The following BACH1 variants were observed in gnomAD, a reference collection of about 807,000 sequenced individuals.
BACH1 encodes transcription regulator protein BACH1.
BACH1 carries 35 observed loss-of-function variants against 52.9 expected under a neutral mutation model. The ratio of observed to expected loss-of-function variants is 0.66; its 90% CI spans 0.51 to 0.88. The LOEUF (loss-of-function observed/expected upper bound fraction) is 0.88, where lower values mean the gene tolerates loss of function less well. BACH1 is among the 40% of genes least tolerant of loss of function. The pLI, the probability that BACH1 is intolerant of heterozygous loss-of-function variation, is 0.00. For missense variants in BACH1, 808 were observed against 872.6 expected, an observed-to-expected ratio of 0.93 and a Z score of 0.93; for synonymous variants, 321 against 319.6, an observed-to-expected ratio of 1.00 and a Z score of -0.05.
At chr21:29,331,857 T>C (rs1241284862) in intron 4 of BACH1, among the ~76,000 whole-genome samples, 1 of 152,228 alleles carries the variant, frequency 6.6e-6, no homozygotes, top group East Asian at 1.9e-4. Flanking sequence ...TATGTATTTT[T>C]TATTATTTTC....
chr21:29,344,549 T>C lies in BACH1; in HGVS notation c.*1716T>C, dbSNP rs1202991363. 6.6e-6 allele frequency: 1 copy of C among 152,612 alleles called. No individual in the cohort carries two copies. Among genetic ancestry groups the C allele is most frequent in the Non-Finnish European group, 1.5e-5 (1 of 68,052 alleles). The allele number at this position is 152,612 out of a possible 1,614,324, so 9.5% of individuals were successfully genotyped here. ...GTAAGAGAAAATTAGTTGGACTTGTTTATTTTCTAGTAGCTTTTATAAGTA... is the reference window on the plus strand; with the variant it reads ...GTAAGAGAAAATTAGTTGGACTTGTCTATTTTCTAGTAGCTTTTATAAGTA... On this transcript the variant is annotated 3_prime_UTR_variant, in exon 5 of 5. Transcript: ENST00000286800.
chr21:29,307,966 A>G (rs1376620566), intron 1 of BACH1, among the ~76,000 whole-genome samples: 2 of 152,236 alleles, frequency 1.3e-5, no homozygotes, highest in African/African-American at 4.8e-5. Context: ...ATAAATGGCC[A>G]GAGTAGGCTT....
At chr21:29,314,024 A>G (rs1432036467) in intron 1 of BACH1, among the ~76,000 whole-genome samples, 1 of 152,258 alleles carries the variant, frequency 6.6e-6, no homozygotes, top group Admixed American at 6.5e-5. Flanking sequence ...AAGGCATGAC[A>G]GAAAATATGT....
At chr21:29,308,321 G>A (rs577328793) in intron 1 of BACH1, among the ~76,000 whole-genome samples, 7 of 152,214 alleles carry the variant, frequency 4.6e-5, no homozygotes, top group Non-Finnish European at 1.0e-4. Context: ...GTGGCCCTAC[G>A]GTGGCTGTTA....
At chr21:29,309,351 G>A (rs960626964) in intron 1 of BACH1, among the ~76,000 whole-genome samples, 3 of 152,072 alleles carry the variant, frequency 2.0e-5, no homozygotes, top group Middle Eastern at 6.8e-3. Flanking sequence ...TTGTGTAATA[G>A]TGTTCCTTCT....
chr21:29,339,371 C>T (rs962956276), intron 4 of BACH1, among the ~76,000 whole-genome samples: 2 of 151,964 alleles, frequency 1.3e-5, no homozygotes, highest in Non-Finnish European at 2.9e-5. Context: ...TGAAAATGAG[C>T]ATTTTTGCTT....
downstream of BACH1, among the ~76,000 whole-genome samples, chr21:29,349,047 T>G (rs1367569156): frequency 6.7e-6 from 1 of 150,012 alleles, no homozygotes; most frequent in Non-Finnish European, 1.5e-5. Flanking sequence ...TGAGCCGAGA[T>G]AGCGCCACTG....
At chr21:29,329,756 A>G (rs1039526227) in intron 4 of BACH1, 63 bp downstream of exon 4, 1 of 1,262,154 alleles carries the variant, frequency 7.9e-7, no homozygotes, top group Non-Finnish European at 1.1e-6. Context: ...TCAAGGAAAT[A>G]GTTTTTAAAT....
intron 2 of BACH1, chr21:29,352,717 G>GTTTT: frequency 7.2e-6 from 1 of 139,356 alleles, no homozygotes; most frequent in Non-Finnish European, 1.6e-5. Context: ...TGTTGTTTTT[G>GTTTT]TTTTTTTTTT....
At position 29,342,690 on chromosome 21, in the gene BACH1, C is replaced by T; in HGVS notation, c.2068C>T (p.Pro690Ser). 2 of 1,614,220 alleles carry T rather than the reference C, an allele frequency of 1.2e-6. No individual in the cohort carries two copies. Among genetic ancestry groups the T allele is most frequent in the Non-Finnish European group, 1.7e-6 (2 of 1,180,048 alleles). Residue 690 changes from proline (P) to serine (S), a missense_variant, in exon 5 of 5, where the codon CCT becomes TCT. By Grantham distance (74) the Pro-to-Ser change is moderately conservative. Coordinates refer to ENST00000286800, the MANE Select transcript of BACH1 (RefSeq NM_001186.4). ...LPPCARGNSEPGYARGQESQQ... is the reference protein window; with the variant it reads ...LPPCARGNSESGYARGQESQQ... ...TCCCTGTGCCAGAGGAAACAGTGAG[C>T]CTGGCTACGCGCGAGGGCAGGAGTC...
At chr21:29,301,820 T>G (rs1011187064) in intron 1 of BACH1, among the ~76,000 whole-genome samples, 2 of 152,192 alleles carry the variant, frequency 1.3e-5, no homozygotes, top group African/African-American at 4.8e-5. Flanking sequence ...TCTCTTAAGA[T>G]TAATAAGACG....
rs139219595 is a variant in BACH1 at position 29,327,105 on chromosome 21, G to C, written c.1281G>C (p.Gln427His). ...SPAVAKDGSE[Q>H]ISQKRSECPW... ...CTGTGGCCAAAGATGGCTCAGAACA[G>C]ATCTCACAGAAACGGTCTGAGTGTC... is the stretch of plus-strand genomic sequence containing the variant. Residue 427 changes from glutamine (Q) to histidine (H), a missense_variant, in exon 3 of 5, where the codon CAG becomes CAC. Coordinates refer to ENST00000286800, the MANE Select transcript of BACH1 (RefSeq NM_001186.4). 2.5e-6 allele frequency: 4 copies of C among 1,614,136 alleles called. No individual in the cohort carries two copies. In the African/African-American group the frequency reaches 5.3e-5, roughly 22 times the overall value.
downstream of BACH1, among the ~76,000 whole-genome samples, chr21:29,348,115 C>G (rs553000238): frequency 1.3e-5 from 2 of 152,274 alleles, no homozygotes; most frequent in Admixed American, 6.5e-5. Flanking sequence ...AAATAAATCC[C>G]AAGACTATCC....
chr21:29,357,273 C>G (rs1333007657), intron 2 of BACH1, among the ~76,000 whole-genome samples: 1 of 152,188 alleles, frequency 6.6e-6, no homozygotes, highest in African/African-American at 2.4e-5. Context: ...CCTTCGTATC[C>G]CATTCTCCAC....
intron 4 of BACH1, among the ~76,000 whole-genome samples, chr21:29,336,892 G>A (rs572566477): frequency 6.6e-6 from 1 of 151,968 alleles, no homozygotes; most frequent in Non-Finnish European, 1.5e-5. Flanking sequence ...GCCTGGTCTC[G>A]AACACCTGAC....
intron 2 of BACH1, among the ~76,000 whole-genome samples, chr21:29,360,235 A>ACTTCCT (rs1399334689): frequency 6.6e-6 from 1 of 152,200 alleles, no homozygotes; most frequent in African/African-American, 2.4e-5. Context: ...CATGTACCCA[A>ACTTCCT]GACTTCCTGA....
At chr21:29,358,770 A>AAAAGAAAAGGAAAGAAAGAAAG (rs1409780180) in intron 2 of BACH1, among the ~76,000 whole-genome samples, 1 of 108,890 alleles carries the variant, frequency 9.2e-6, no homozygotes, top group African/African-American at 3.3e-5. Flanking sequence ...AAAAGAAAAG[A>AAAAGAAAAGGAAAGAAAGAAAG]AAAGAAAGAA....
At position 29,327,125 on chromosome 21, in the gene BACH1, A is replaced by G. The variant is rs941994895; in HGVS notation, c.1301A>G (p.Glu434Gly). Residue 434 changes from glutamate (E) to glycine (G), a missense_variant, in exon 3 of 5, where the codon GAG (glutamate) becomes GGG (glycine). Transcript: ENST00000286800. ...GSEQISQKRSECPWLGIRISE... is the reference protein window; with the variant it reads ...GSEQISQKRSGCPWLGIRISE... ...GAACAGATCTCACAGAAACGGTCTG[A>G]GTGTCCGTGGTTAGGTATCAGGATT... The G allele has an allele frequency of 9.3e-6, 15 of 1,614,138 alleles. No homozygotes were observed. Among genetic ancestry groups the G allele is most frequent in the Non-Finnish European group, 1.3e-5 (15 of 1,180,042 alleles).
intron 2 of BACH1, among the ~76,000 whole-genome samples, chr21:29,322,930 G>C (rs1283513505): frequency 6.6e-6 from 1 of 152,190 alleles, no homozygotes; most frequent in Non-Finnish European, 1.5e-5. Context: ...TCAAATTATT[G>C]AATGAGACTT....
Sources: allele counts gnomAD v4.1 joint callset (sites outside exome capture counted in the v4.1 genomes callset), GRCh38; gene constraint gnomAD v4.1.1; transcripts MANE v1.5; gene names NCBI Gene and HGNC (gene_info 2026-07-23, HGNC 2026-07-21).